The following CERS3 variants were observed in gnomAD, a reference collection of about 807,000 sequenced individuals.
CERS3 encodes ceramide synthase 3.
In CERS3, 33 loss-of-function variants were observed where a neutral mutation model predicts 50.3. That is an observed-to-expected ratio of 0.66 (90% CI 0.50 to 0.88). The LOEUF is 0.88. CERS3 is among the 40% of genes least tolerant of loss of function. CERS3 has a pLI of 0.00. For missense variants in CERS3, 470 were observed against 460.3 expected (o/e 1.02, Z -0.19); for synonymous variants, 176 against 155.2 (o/e 1.13, Z -0.99).
chr15:100,407,205 C>T (rs542243237), intron 11 of CERS3, among the ~76,000 whole-genome samples: 4 of 152,294 alleles, frequency 2.6e-5, no homozygotes, highest in South Asian at 4.1e-4. Flanking sequence ...ATACCAGCAT[C>T]TACCCACCCA....
At chr15:100,478,213 T>C (rs1411495122) in intron 7 of CERS3, among the ~76,000 whole-genome samples, 1 of 152,126 alleles carries the variant, frequency 6.6e-6, no homozygotes, top group African/African-American at 2.4e-5. Context: ...TCAAAAAATA[T>C]AATAACTGAA....
chr15:100,503,317 G>T (rs1175116189), intron 2 of CERS3, among the ~76,000 whole-genome samples: 1 of 152,182 alleles, frequency 6.6e-6, no homozygotes, highest in Non-Finnish European at 1.5e-5. Context: ...GCAGTGGATT[G>T]CCCTGGCATA....
chr15:100,537,345 C>T (rs2037098828), intron 1 of CERS3, among the ~76,000 whole-genome samples: 1 of 152,196 alleles, frequency 6.6e-6, no homozygotes, highest in African/African-American at 2.4e-5. Flanking sequence ...GTAGACCAAG[C>T]TTGAGATTGA....
chr15:100,440,529 G>A lies in CERS3; in HGVS notation c.999+15364C>T, dbSNP rs1157463405. On this transcript the variant is annotated intron_variant, in intron 11 of 11. Transcript: ENST00000679737. ...CTGACTCTCTATTCGGACTCAGCCTGCCTGCACCCAGGTGAAATAAACAGC... is the reference window on the plus strand; with the variant it reads ...CTGACTCTCTATTCGGACTCAGCCTACCTGCACCCAGGTGAAATAAACAGC... Among the ~76,000 whole-genome samples, 5 of 152,132 alleles carry A rather than the reference G, an allele frequency of 3.3e-5. No individual in the cohort carries two copies. The South Asian group carries it at 8.3e-4, about 25-fold the overall frequency.
chr15:100,447,923 A>C (rs900375321), intron 11 of CERS3, among the ~76,000 whole-genome samples: 3 of 152,224 alleles, frequency 2.0e-5, no homozygotes, highest in South Asian at 4.1e-4. Context: ...CAACACAAAC[A>C]AAAAACCTTC....
At chr15:100,537,971 AAC>A (rs1331707443) in intron 1 of CERS3, among the ~76,000 whole-genome samples, 1 of 152,232 alleles carries the variant, frequency 6.6e-6, no homozygotes, top group East Asian at 1.9e-4. Context: ...GCATTGGGTA[AAC>A]ACACCCATTC....
At chr15:100,466,804 C>T (rs1467754580) in intron 10 of CERS3, among the ~76,000 whole-genome samples, 878 of 11,414 alleles carry the variant, frequency 0.077, 34 homozygotes, top group Admixed American at 0.23. Flanking sequence ...TCCCTCCCTC[C>T]CTCCCTCCCT....
chr15:100,477,611 G>A (rs1343051726), intron 7 of CERS3, among the ~76,000 whole-genome samples: 2 of 152,188 alleles, frequency 1.3e-5, no homozygotes, highest in Admixed American at 6.5e-5. Context: ...AGTACTGTAG[G>A]CCCTAAGAAT....
intron 1 of CERS3, among the ~76,000 whole-genome samples, chr15:100,524,307 A>G (rs1240552495): frequency 6.6e-6 from 1 of 152,272 alleles, no homozygotes; most frequent in African/African-American, 2.4e-5. Context: ...TCTTACTAAC[A>G]GTAATGGTTA....
chr15:100,528,367 G>A (rs1204435933), intron 1 of CERS3, among the ~76,000 whole-genome samples: 1 of 152,138 alleles, frequency 6.6e-6, no homozygotes, highest in East Asian at 1.9e-4. Context: ...TTTGCCACCT[G>A]GCAAAGATCT....
At chr15:100,492,192 T>C (rs1596754385) in intron 3 of CERS3, among the ~76,000 whole-genome samples, 1 of 152,228 alleles carries the variant, frequency 6.6e-6, no homozygotes, top group East Asian at 1.9e-4. Flanking sequence ...GAGTAGAGTG[T>C]TCTATAGATG....
At chr15:100,421,287 T>C (rs1428111653) in intron 11 of CERS3, among the ~76,000 whole-genome samples, 29 of 147,662 alleles carry the variant, frequency 2.0e-4, no homozygotes, top group South Asian at 6.4e-4. Flanking sequence ...TATACACCAA[T>C]AACAGACAAA....
intron 1 of CERS3, among the ~76,000 whole-genome samples, chr15:100,536,315 TG>T (rs1032907507): frequency 6.6e-6 from 1 of 152,316 alleles, no homozygotes; most frequent in African/African-American, 2.4e-5. Flanking sequence ...GACAGGGTTT[TG>T]CTCTGTTGCT....
chr15:100,491,024 G>A (rs974928041), intron 3 of CERS3, 93 bp from the exon 4 acceptor site: 2 of 757,600 alleles, frequency 2.6e-6, no homozygotes, highest in African/African-American at 1.8e-5. Context: ...GGTTTCTAAT[G>A]AAATCAGTCA....
intron 11 of CERS3, among the ~76,000 whole-genome samples, chr15:100,439,560 C>A (rs1009380644): frequency 7.9e-5 from 12 of 152,276 alleles, no homozygotes; most frequent in African/African-American, 2.9e-4. Flanking sequence ...AATCTGTCGC[C>A]TTAGTAACAA....
At chr15:100,440,630 G>T (rs1018836879) in intron 11 of CERS3, among the ~76,000 whole-genome samples, 5 of 152,184 alleles carry the variant, frequency 3.3e-5, no homozygotes, top group East Asian at 1.9e-4. Context: ...TGACTGGAGG[G>T]GGGGAACCTC....
Position 100,479,436 on chromosome 15 carries a change from G to A in CERS3, c.508C>T (p.Pro170Ser). ...TGTTATAGTGGACTTACCTGTTTGG[G>A]ATAGCCATTCCAAACCTCCCATAAG... ...YDLWEVWNGY[P>S]KQPLLPSQYW... The change falls in exon 7 of 12, where the codon CCC becomes TCC. Residue 170 changes from proline (P) to serine (S), a missense_variant. Transcript: ENST00000679737. The A allele has an allele frequency of 6.2e-7, 1 of 1,604,382 alleles. No homozygotes were observed. The highest frequency in any genetic ancestry group is 8.5e-7 in the Non-Finnish European group (1 of 1,175,956).
chr15:100,510,373 T>A (rs552594502), intron 2 of CERS3, among the ~76,000 whole-genome samples: 2 of 152,286 alleles, frequency 1.3e-5, no homozygotes, highest in Admixed American at 1.3e-4. Context: ...GGAATTCTCC[T>A]ATACAAAATT....
rs771126884 is a variant in CERS3, at chr15:100,402,736, G to T, written c.1129C>A (p.Pro377Thr). ...NGLRAERHLI[P>T]NGQHGH The stretch of plus-strand genomic sequence containing the variant: ...AGCTAATGGCCATGCTGGCCATTGG[G>T]AATGAGGTGCCTCTCAGCCCTGAGG... Residue 377 changes from proline (P) to threonine (T), a missense_variant, in exon 12 of 12, where the codon CCC (proline) becomes ACC (threonine). By Grantham distance (38) the Pro-to-Thr change is conservative (BLOSUM62 -1). Coordinates refer to ENST00000679737, the MANE Select transcript of CERS3 (RefSeq NM_001378789.1). 1 of 1,614,144 alleles carries T rather than the reference G, an allele frequency of 6.2e-7. No individual in the cohort carries two copies. Among genetic ancestry groups the T allele is most frequent in the South Asian group, 1.1e-5 (1 of 91,082 alleles).
Sources: allele counts gnomAD v4.1 joint callset (sites outside exome capture counted in the v4.1 genomes callset), GRCh38; gene constraint gnomAD v4.1.1; transcripts MANE v1.5; gene names NCBI Gene and HGNC (gene_info 2026-07-23, HGNC 2026-07-21).